The following EXOC4 variants were observed in gnomAD, a reference collection of about 807,000 sequenced individuals.
EXOC4 encodes the protein SEC8-like 1.
In EXOC4, 71 loss-of-function variants were observed where a neutral mutation model predicts 107.2. The observed-to-expected ratio is 0.66, with a 90% CI of 0.55 to 0.81. The LOEUF (loss-of-function observed/expected upper bound fraction) is 0.81. EXOC4 is among the 30% of genes least tolerant of loss of function. EXOC4 has a pLI of 0.00. For synonymous variants in EXOC4, 456 were observed against 441.2 expected (o/e 1.03, Z -0.42); for missense variants, 1,108 against 1,189.6 (o/e 0.93, Z 1.01).
At chr7:133,304,355 G>A (rs1336608998) in intron 3 of EXOC4, among the ~76,000 whole-genome samples, 1 of 152,206 alleles carries the variant, frequency 6.6e-6, no homozygotes, top group Admixed American at 6.5e-5. Flanking sequence ...ATTTGGAATT[G>A]CTGGCAGCTT....
At chr7:133,467,720 A>G (rs939720987) in intron 7 of EXOC4, among the ~76,000 whole-genome samples, 4 of 149,484 alleles carry the variant, frequency 2.7e-5, no homozygotes, top group Non-Finnish European at 5.9e-5. Flanking sequence ...TCCCATCACT[A>G]TGTATTTGCT....
At chr7:133,371,517 A>G (rs538760087) in intron 6 of EXOC4, among the ~76,000 whole-genome samples, 6 of 152,084 alleles carry the variant, frequency 3.9e-5, no homozygotes, top group African/African-American at 1.4e-4. Context: ...ACCTTTTTTC[A>G]CTTACCATAG....
intron 6 of EXOC4, among the ~76,000 whole-genome samples, chr7:133,368,097 G>T (rs565674150): frequency 6.6e-6 from 1 of 152,148 alleles, no homozygotes. Flanking sequence ...TCTGGACATT[G>T]GTCCATGTGT....
chr7:133,321,637 T>A (rs981799091), intron 5 of EXOC4, among the ~76,000 whole-genome samples: 1 of 152,248 alleles, frequency 6.6e-6, no homozygotes, highest in African/African-American at 2.4e-5. Context: ...GATGGACATT[T>A]GGGTTGGTTC....
Position 133,917,708 on chromosome 7 carries a change from C to T in EXOC4, c.1997C>T (p.Pro666Leu). 6.2e-7 allele frequency: 1 copy of T among 1,612,848 alleles called. No homozygotes were observed. The highest frequency in any genetic ancestry group is 8.5e-7 in the Non-Finnish European group (1 of 1,179,640). ...MNMAQPKQLR[P>L]KREEEEDFIR... ...ATGGCTCAACCCAAACAGCTGAGGC[C>T]AAAAAGAGAGGAGGAAGAAGATTTC... The change falls in exon 13 of 18, where the codon CCA (proline) becomes CTA (leucine). Residue 666 changes from proline (P) to leucine (L), a missense_variant. Pro to Leu is a moderately conservative substitution (Grantham distance 98). Transcript: ENST00000253861.
intron 9 of EXOC4, among the ~76,000 whole-genome samples, chr7:133,516,276 A>G (rs978915462): frequency 8.5e-5 from 13 of 152,204 alleles, no homozygotes; most frequent in African/African-American, 3.1e-4. Context: ...CACAAAGTAT[A>G]TAACCACACC....
chr7:133,873,511 G>C (rs1264012484), intron 11 of EXOC4, among the ~76,000 whole-genome samples: 1 of 152,158 alleles, frequency 6.6e-6, no homozygotes, highest in Non-Finnish European at 1.5e-5. Context: ...GGCAGGGTAA[G>C]TGTGAAGATG....
intron 10 of EXOC4, among the ~76,000 whole-genome samples, chr7:133,649,088 A>G (rs1803067933): frequency 6.6e-6 from 1 of 152,124 alleles, no homozygotes; most frequent in Non-Finnish European, 1.5e-5. Flanking sequence ...AATTTAGTTG[A>G]GCATTTTCTT....
chr7:133,435,841 C>T (rs878981618), intron 7 of EXOC4, among the ~76,000 whole-genome samples: 10 of 151,900 alleles, frequency 6.6e-5, no homozygotes, highest in East Asian at 3.9e-4. Context: ...AAGTTTTTGC[C>T]GTTTATTTTG....
intron 7 of EXOC4, among the ~76,000 whole-genome samples, chr7:133,439,270 C>T (rs1332941399): frequency 3.5e-5 from 5 of 144,554 alleles, no homozygotes; most frequent in East Asian, 2.1e-4. Flanking sequence ...CTGCAACCTC[C>T]GCCTCCTGGG....
At chr7:133,854,010 G>T (rs1006524196) in intron 11 of EXOC4, among the ~76,000 whole-genome samples, 7 of 152,184 alleles carry the variant, frequency 4.6e-5, no homozygotes, top group Admixed American at 4.6e-4. Flanking sequence ...GCCCTCTGGA[G>T]GCAGTGTTTA....
chr7:133,529,381 A>G (rs1244147933), intron 9 of EXOC4, among the ~76,000 whole-genome samples: 1 of 152,174 alleles, frequency 6.6e-6, no homozygotes, highest in Non-Finnish European at 1.5e-5. Flanking sequence ...ATAAAAAGCA[A>G]CTTTGCTGGA....
the EXOC4 span, among the ~76,000 whole-genome samples, chr7:134,093,450 T>G: frequency 6.6e-6 from 1 of 152,250 alleles, no homozygotes; most frequent in African/African-American, 2.4e-5. Flanking sequence ...TACAAAAAGA[T>G]TTTAGACTGC....
chr7:133,505,387 A>T (rs1799648385), intron 9 of EXOC4, among the ~76,000 whole-genome samples: 1 of 152,100 alleles, frequency 6.6e-6, no homozygotes, highest in Admixed American at 6.5e-5. Flanking sequence ...TTAATTGTTT[A>T]ATAGTCTGCT....
At chr7:133,777,492 T>G (rs1485681280) in intron 10 of EXOC4, among the ~76,000 whole-genome samples, 2 of 152,218 alleles carry the variant, frequency 1.3e-5, no homozygotes, top group African/African-American at 4.8e-5. Flanking sequence ...ATGTGAGAAG[T>G]TGCTACTCTA....
intron 7 of EXOC4, among the ~76,000 whole-genome samples, chr7:133,472,236 G>A (rs989098827): frequency 6.6e-6 from 1 of 152,148 alleles, no homozygotes; most frequent in African/African-American, 2.4e-5. Context: ...TTGATATTAC[G>A]TGAGAAGGAC....
intron 10 of EXOC4, among the ~76,000 whole-genome samples, chr7:133,679,707 C>T (rs1012186563): frequency 6.6e-6 from 1 of 152,198 alleles, no homozygotes. Flanking sequence ...CTATTATAAT[C>T]AGTTGACATT....
rs1796151558 is a variant in EXOC4, at chr7:134,065,009, A to G, written c.*481A>G. On this transcript the variant is annotated 3_prime_UTR_variant, in exon 18 of 18. Coordinates refer to ENST00000253861, the MANE Select transcript of EXOC4 (RefSeq NM_021807.4). ...AGTTCAATGAAATAAGTGTATGTGC[A>G]TTGCTGTCTGTCTCTATTGCCAAAA... The G allele has an allele frequency of 6.6e-6, 1 of 152,562 alleles. No homozygotes were observed. The highest frequency in any genetic ancestry group is 1.5e-5 in the Non-Finnish European group (1 of 68,016). 9.5% of individuals were successfully genotyped at this position (152,562 alleles called of 1,614,324 possible). A position where few individuals can be genotyped will look rare whatever the true frequency, so the allele number is the denominator to read the frequency against.
chr7:133,623,434 T>C (rs1255975817), intron 9 of EXOC4, among the ~76,000 whole-genome samples: 1 of 152,210 alleles, frequency 6.6e-6, no homozygotes, highest in Admixed American at 6.5e-5. Context: ...ATTCACTTGG[T>C]CTAAAAAGAC....
Sources: allele counts gnomAD v4.1 joint callset (sites outside exome capture counted in the v4.1 genomes callset), GRCh38; gene constraint gnomAD v4.1.1; transcripts MANE v1.5; gene names NCBI Gene and HGNC (gene_info 2026-07-23, HGNC 2026-07-21).